The following PDLIM2 variants were observed in gnomAD, a reference collection of about 807,000 sequenced individuals.
PDLIM2 encodes PDZ and LIM domain 2.
In PDLIM2, 51 loss-of-function variants were observed where a neutral mutation model predicts 54.1. That is an observed-to-expected ratio of 0.94 (90% CI 0.75 to 1.19). The LOEUF is 1.19. PDLIM2 is among the 50% of genes most tolerant of loss of function. PDLIM2 has a pLI of 0.00. For synonymous variants in PDLIM2, 398 were observed against 385.6 expected, an observed-to-expected ratio of 1.03 and a Z score of -0.38; for missense variants, 912 against 874.0, an observed-to-expected ratio of 1.04 and a Z score of -0.55.
intron 1 of PDLIM2, chr8:22,579,725 C>T: frequency 1.9e-6 from 1 of 537,760 alleles, no homozygotes; most frequent in South Asian, 4.3e-5. Context: ...GGGTGGTGCC[C>T]AGCCTGGCAC....
exon 10 of PDLIM2, chr8:22,594,212 A>C: frequency 7.2e-7 from 1 of 1,398,124 alleles, no homozygotes; most frequent in South Asian, 1.6e-5. Context: ...AGTGGGAAGG[A>C]GAGGGGTGGG....
At chr8:22,578,839 G>T (rs1243002866) in exon 1 of PDLIM2, 1 of 1,234,378 alleles carries the variant, frequency 8.1e-7, no homozygotes, top group Non-Finnish European at 1.0e-6. Context: ...CCCCTCGATC[G>T]TCTGCGAAGT....
intron 6 of PDLIM2, 36 bp from the exon 6 acceptor site, chr8:22,589,262 G>A: frequency 6.5e-7 from 1 of 1,532,348 alleles, no homozygotes; most frequent in African/African-American, 1.4e-5. Context: ...CCAAGGCTCT[G>A]GCCCTGACTC....
intron 5 of PDLIM2, 38 bp from the exon 5 acceptor site, chr8:22,585,283 G>A (rs1800342052): frequency 6.2e-7 from 1 of 1,608,316 alleles, no homozygotes; most frequent in East Asian, 2.2e-5. Flanking sequence ...GCAGGCTGGG[G>A]GTGGCCCTGG....
intron 9 of PDLIM2, 48 bp downstream of exon 8, chr8:22,591,716 G>T: frequency 6.5e-7 from 1 of 1,529,662 alleles, no homozygotes; most frequent in Non-Finnish European, 8.9e-7. Flanking sequence ...AGGGGAGTGG[G>T]GAGGGGGACA....
At chr8:22,578,932 A>G in exon 1 of PDLIM2, 1 of 1,237,920 alleles carries the variant, frequency 8.1e-7, no homozygotes, top group Non-Finnish European at 1.0e-6. Flanking sequence ...GGATGCGGGC[A>G]CCACCGGCTG....
intron 1 of PDLIM2, chr8:22,580,154 C>T (rs1800146751): frequency 3.5e-6 from 1 of 282,128 alleles, no homozygotes; most frequent in African/African-American, 2.2e-5. Context: ...CTAGGCCACT[C>T]ACCAGCCCTC....
At chr8:22,594,683 C>G (rs373731706), downstream of PDLIM2, 62 of 1,592,350 alleles carry the variant, frequency 3.9e-5, no homozygotes, top group African/African-American at 5.3e-4. Flanking sequence ...GGCCGCCCAC[C>G]AAGGGTTGGG....
chr8:22,591,887 T>C, intron 9 of PDLIM2: 1 of 476,504 alleles, frequency 2.1e-6, no homozygotes, highest in South Asian at 3.3e-5. Context: ...CTCCTCTCCC[T>C]CTCCTCCTTT....
intron 6 of PDLIM2, among the ~76,000 whole-genome samples, chr8:22,586,805 A>G (rs1405093766): frequency 2.0e-5 from 3 of 152,128 alleles, no homozygotes; most frequent in African/African-American, 7.2e-5. Flanking sequence ...TGGGAGGTAC[A>G]GAGGCATGGC....
chr8:22,594,336 T>G, downstream of PDLIM2: 1 of 1,446,588 alleles, frequency 6.9e-7, no homozygotes, highest in Non-Finnish European at 9.1e-7. Context: ...CCGCCAGCCC[T>G]GGGTATGACC....
At chr8:22,591,812 G>C in intron 9 of PDLIM2, 144 bp downstream of exon 8, 1 of 718,808 alleles carries the variant, frequency 1.4e-6, no homozygotes. Flanking sequence ...AAGCAGTGTT[G>C]CACAGCTTTG....
Position 22,589,878 on chromosome 8 carries a change from G to A in PDLIM2, c.1513+137G>A, listed in dbSNP as rs571919450. Reference sequence around the variant, plus strand: ...AGGACTAGGCACGGAGCCGAGCAGAGCGCGAAGCCCCAGCCCCTGCCCATA... The same window carrying A: ...AGGACTAGGCACGGAGCCGAGCAGAACGCGAAGCCCCAGCCCCTGCCCATA... On this transcript the variant is annotated intron_variant, in intron 8 of 9. Coordinates refer to ENST00000308354, the Ensembl canonical transcript of PDLIM2. The A allele has an allele frequency of 5.8e-5, 73 of 1,256,960 alleles. No individual in the cohort carries two copies. The South Asian group carries it at 1.0e-3, about 17-fold the overall frequency. 77.9% of individuals were successfully genotyped at this position (1,256,960 alleles called of 1,614,324 possible).
chr8:22,580,687 T>C (rs1036136316), exon 2 of PDLIM2: 2 of 1,613,956 alleles, frequency 1.2e-6, no homozygotes, highest in South Asian at 1.1e-5. Context: ...ACGCCCATCA[T>C]GGTGACTAAG....
Position 22,580,640 on chromosome 8 carries a change from C to T in PDLIM2, c.786C>T (p.Pro262=), listed in dbSNP as rs146261308. The change falls in exon 2 of 10, where the codon CCC becomes CCT. Residue 262 remains proline (P), a synonymous_variant. Coordinates refer to ENST00000308354, the Ensembl canonical transcript of PDLIM2. ...CGGTGGATGTGGCCGGGCCAGCGCC[C>T]TGGGGCTTCCGTATCACAGGGGGCA... 6 of 1,613,962 alleles carry T rather than the reference C, an allele frequency of 3.7e-6. No individual in the cohort carries two copies. In the African/African-American group the frequency reaches 6.7e-5, roughly 18 times the overall value.
At chr8:22,587,575 A>G (rs1222184521) in intron 6 of PDLIM2, among the ~76,000 whole-genome samples, 1 of 152,148 alleles carries the variant, frequency 6.6e-6, no homozygotes, top group Non-Finnish European at 1.5e-5. Flanking sequence ...TGTTGGCTAC[A>G]GACAAGCTCA....
chr8:22,593,629 C>A lies in PDLIM2; in HGVS notation c.1632-104C>A, dbSNP rs761431630. 36 of 838,112 alleles carry A rather than the reference C, an allele frequency of 4.3e-5. 1 individual carries two copies. In the Admixed American group the frequency reaches 7.3e-4, roughly 17 times the overall value. The allele number at this position is 838,112 out of a possible 1,614,324, so 51.9% of individuals were successfully genotyped here. On this transcript the variant is annotated intron_variant, in intron 9 of 9. Transcript: ENST00000308354. ...GTCTAGTCTCTGAGAAGGCTTTGGGCTCCACCCAGGTCCTGATGCTACAGT... is the reference window on the plus strand; with the variant it reads ...GTCTAGTCTCTGAGAAGGCTTTGGGATCCACCCAGGTCCTGATGCTACAGT...
At chr8:22,585,868 T>A (rs1800366460) in intron 6 of PDLIM2, among the ~76,000 whole-genome samples, 1 of 146,374 alleles carries the variant, frequency 6.8e-6, no homozygotes, top group Admixed American at 6.7e-5. Flanking sequence ...CCAGTGGGAC[T>A]GCGGTTCTGC....
rs941480892 is a variant in PDLIM2, at chr8:22,586,407, C to G, written c.1290+1008C>G. 2.6e-5 allele frequency among the ~76,000 whole-genome samples: 4 copies of G among 152,248 alleles called. No individual in the cohort carries two copies. The East Asian group carries it at 5.8e-4, about 22-fold the overall frequency. On this transcript the variant is annotated intron_variant, in intron 6 of 9. Coordinates refer to ENST00000308354, the Ensembl canonical transcript of PDLIM2. Reference sequence around the variant, plus strand: ...AAAACAATTTTGGAGCAATTAGGCACTAAGCAGTGTGGTATTAATTACAAA... The same window carrying G: ...AAAACAATTTTGGAGCAATTAGGCAGTAAGCAGTGTGGTATTAATTACAAA...
Sources: gnomAD v4.1 joint callset for allele counts (sites outside exome capture counted in the v4.1 genomes callset) on GRCh38, gnomAD v4.1.1 for gene constraint, MANE v1.5 for transcripts, NCBI Gene and HGNC (gene_info 2026-07-23, HGNC 2026-07-21) for gene names.